TMEM117: variants seen among roughly 807,000 people sequenced by gnomAD.
The protein encoded by TMEM117 is transmembrane protein 117.
A neutral mutation model predicts 52.4 loss-of-function variants in TMEM117; 27 were observed. The ratio of observed to expected loss-of-function variants is 0.51; its 90% CI spans 0.38 to 0.71. The LOEUF (loss-of-function observed/expected upper bound fraction) is 0.71, where lower values mean the gene tolerates loss of function less well. TMEM117 is among the 30% of genes least tolerant of loss of function. TMEM117 has a pLI of 0.00. For missense variants in TMEM117, 556 were observed against 630.5 expected (o/e 0.88, Z 1.26); for synonymous variants, 215 against 206.3 (o/e 1.04, Z -0.36).
intron 2 of TMEM117, among the ~76,000 whole-genome samples, chr12:43,881,408 A>G (rs1180541083): frequency 1.3e-5 from 2 of 152,202 alleles, no homozygotes; most frequent in African/African-American, 4.8e-5. Context: ...TTTTACTAAT[A>G]CTTTTTATAT....
chr12:44,185,340 T>A (rs1012063533), intron 4 of TMEM117, among the ~76,000 whole-genome samples: 7 of 152,124 alleles, frequency 4.6e-5, no homozygotes, highest in African/African-American at 1.7e-4. Flanking sequence ...GAAAATTAGA[T>A]AAAGATTTTT....
chr12:44,092,984 C>T (rs568866300), intron 3 of TMEM117, among the ~76,000 whole-genome samples: 10 of 152,174 alleles, frequency 6.6e-5, no homozygotes, highest in African/African-American at 2.2e-4. Flanking sequence ...AGAAAAATTC[C>T]CTTGAAGCAG....
At chr12:44,024,221 T>C (rs1375653522) in intron 3 of TMEM117, among the ~76,000 whole-genome samples, 44 of 152,184 alleles carry the variant, frequency 2.9e-4, no homozygotes, top group Admixed American at 2.9e-3. Flanking sequence ...GCAAAGAAAA[T>C]GTAGCTAAAA....
intron 3 of TMEM117, among the ~76,000 whole-genome samples, chr12:44,013,901 C>T (rs1434475823): frequency 1.3e-5 from 2 of 152,202 alleles, no homozygotes; most frequent in African/African-American, 4.8e-5. Context: ...TTTCAGATCA[C>T]TCAGCTGTTT....
chr12:44,337,843 A>C (rs987025009), intron 6 of TMEM117, among the ~76,000 whole-genome samples: 2 of 152,112 alleles, frequency 1.3e-5, no homozygotes, highest in African/African-American at 4.8e-5. Flanking sequence ...GAAAATGTAT[A>C]AATCAAGTGC....
intron 2 of TMEM117, among the ~76,000 whole-genome samples, chr12:43,904,303 G>A (rs1186914445): frequency 6.6e-6 from 1 of 152,186 alleles, no homozygotes; most frequent in African/African-American, 2.4e-5. Flanking sequence ...GAGCCCAGGA[G>A]TTCAAGGCTA....
chr12:44,156,022 C>T (rs1011221672), intron 4 of TMEM117, among the ~76,000 whole-genome samples: 1 of 152,076 alleles, frequency 6.6e-6, no homozygotes, highest in Non-Finnish European at 1.5e-5. Flanking sequence ...GGACTGTCTG[C>T]ATGTTAATCA....
chr12:44,087,732 T>C (rs966858480), intron 3 of TMEM117, among the ~76,000 whole-genome samples: 3 of 152,296 alleles, frequency 2.0e-5, no homozygotes, highest in Non-Finnish European at 4.4e-5. Flanking sequence ...TCCAAAGTGC[T>C]GGGATTACAG....
chr12:44,386,812 G>A lies in TMEM117; in HGVS notation c.899-1214G>A, dbSNP rs1202090178. Among the ~76,000 whole-genome samples the A allele has an allele frequency of 4.6e-5, 7 of 152,006 alleles. No individual in the cohort carries two copies. The East Asian group carries it at 1.4e-3, about 29-fold the overall frequency. On this transcript the variant is annotated intron_variant, in intron 7 of 7. Transcript: ENST00000266534. ...AAAGTATTTAGCCTTACATATAATAGGAGCTTTAATAAAATATGTAATTAT... is the reference window on the plus strand; with the variant it reads ...AAAGTATTTAGCCTTACATATAATAAGAGCTTTAATAAAATATGTAATTAT...
chr12:44,049,346 A>G (rs1045843128), intron 3 of TMEM117, among the ~76,000 whole-genome samples: 2 of 152,158 alleles, frequency 1.3e-5, no homozygotes, highest in African/African-American at 2.4e-5. Context: ...GTTCTCACTC[A>G]TAAGTGGGAG....
chr12:43,988,841 TTAAG>T (rs1221134859), intron 3 of TMEM117, among the ~76,000 whole-genome samples: 2 of 152,156 alleles, frequency 1.3e-5, no homozygotes, highest in African/African-American at 4.8e-5. Flanking sequence ...AAGTATGTAT[TTAAG>T]TGTTTGCTAA....
At chr12:44,320,941 C>A (rs79158191) in intron 6 of TMEM117, among the ~76,000 whole-genome samples, 2,405 of 152,254 alleles carry the variant, frequency 0.016, 30 homozygotes, top group Non-Finnish European at 0.024. Context: ...TAAACTAGTT[C>A]CTTTCAGGTC....
At chr12:43,987,833 A>T (rs956658699) in intron 3 of TMEM117, among the ~76,000 whole-genome samples, 1 of 152,126 alleles carries the variant, frequency 6.6e-6, no homozygotes, top group African/African-American at 2.4e-5. Context: ...AATATCTGCA[A>T]GTTATAAGTC....
chr12:44,036,108 C>G (rs1329022561), intron 3 of TMEM117, among the ~76,000 whole-genome samples: 1 of 152,152 alleles, frequency 6.6e-6, no homozygotes, highest in East Asian at 1.9e-4. Context: ...TCACAGAGAT[C>G]ATTACAGATC....
intron 3 of TMEM117, among the ~76,000 whole-genome samples, chr12:44,096,289 C>G (rs920942675): frequency 6.6e-6 from 1 of 151,982 alleles, no homozygotes; most frequent in African/African-American, 2.4e-5. Flanking sequence ...CCATACTGCC[C>G]AAGGTAATTT....
chr12:43,799,541 G>A, the TMEM117 span: 1 of 1,191,040 alleles, frequency 8.4e-7, no homozygotes, highest in Non-Finnish European at 1.2e-6. Flanking sequence ...TAATTCTCTA[G>A]AAGTAAAATG....
intron 1 of TMEM117, among the ~76,000 whole-genome samples, chr12:43,838,986 G>T (rs544849540): frequency 7.9e-5 from 12 of 152,192 alleles, no homozygotes; most frequent in Middle Eastern, 3.4e-3. Context: ...CTCAGGAAAT[G>T]CATTTTCCAT....
chr12:43,845,089 C>G (rs1592300832), intron 2 of TMEM117, 161 bp downstream of exon 2: 1 of 729,632 alleles, frequency 1.4e-6, no homozygotes, highest in Non-Finnish European at 2.2e-6. Context: ...TTCAACTACT[C>G]TCTGTTAATG....
At chr12:44,353,323 G>C (rs1951594289) in intron 6 of TMEM117, among the ~76,000 whole-genome samples, 1 of 152,156 alleles carries the variant, frequency 6.6e-6, no homozygotes, top group Admixed American at 6.5e-5. Flanking sequence ...TGTCAATTTT[G>C]TCTTTGGTTG....
Sources: allele counts gnomAD v4.1 joint callset (sites outside exome capture counted in the v4.1 genomes callset), GRCh38; gene constraint gnomAD v4.1.1; transcripts MANE v1.5; gene names NCBI Gene and HGNC (gene_info 2026-07-23, HGNC 2026-07-21).